Variants in MDN1 observed in about 807,000 individuals in gnomAD.
MDN1 encodes midasin AAA ATPase 1.
In MDN1, 266 loss-of-function variants were observed where a neutral mutation model predicts 669.2. The ratio of observed to expected loss-of-function variants is 0.40; its 90% CI spans 0.36 to 0.44. The LOEUF is 0.44. Among genes scored for constraint, MDN1 ranks in the 20% least tolerant of loss-of-function variants. The pLI, the probability that MDN1 is intolerant of heterozygous loss-of-function variation, is 1.00. For synonymous variants in MDN1, 2,385 were observed against 2,457.1 expected, an observed-to-expected ratio of 0.97 and a Z score of 0.87; for missense variants, 5,940 against 6,754.0, an observed-to-expected ratio of 0.88 and a Z score of 4.22.
rs938777459 is a variant in MDN1, at chr6:89,712,729, C to T, written c.7276G>A (p.Gly2426Arg). 3 of 1,614,136 alleles carry T rather than the reference C, an allele frequency of 1.9e-6. No homozygotes were observed. Among genetic ancestry groups the T allele is most frequent in the East Asian group, 2.2e-5 (1 of 44,876 alleles). ...VSSLRAHETW[G>R]DSILGMGLWP... ...AGTCCCATGCCAAGAATGGAGTCTC[C>T]CCAGGTTTCATGTGCTCGCAAAGAA... The change falls in exon 48 of 102, where the codon GGA becomes AGA. Residue 2426 changes from glycine (G) to arginine (R), a missense_variant. By Grantham distance (125) the Gly-to-Arg change is moderately radical. Coordinates refer to ENST00000369393, the MANE Select transcript of MDN1 (RefSeq NM_014611.3).
rs1420680066 is a variant in MDN1 at position 89,751,481 on chromosome 6, T to C, written c.3177A>G (p.Thr1059=). Residue 1059 remains threonine (T), a synonymous_variant, in exon 23 of 102, where the codon ACA becomes ACG. Coordinates refer to ENST00000369393, the MANE Select transcript of MDN1 (RefSeq NM_014611.3). Reference sequence around the variant, plus strand: ...CTCTCAGGTTCAGCTTCACAGAAGATGTCAGAATGTACGTCTCATCTATTG... The same window carrying C: ...CTCTCAGGTTCAGCTTCACAGAAGACGTCAGAATGTACGTCTCATCTATTG... The part of the protein sequence containing the change: ...EPTIDETYIL[T]SSVKLNLRDI... 2.9e-5 allele frequency: 47 copies of C among 1,614,062 alleles called. No individual in the cohort carries two copies. The highest frequency in any genetic ancestry group is 4.0e-5 in the Non-Finnish European group (47 of 1,180,036).
In MDN1 at chr6:89,653,026, G is replaced by T; in HGVS notation, c.15791C>A (p.Thr5264Lys). The T allele has an allele frequency of 1.2e-6, 2 of 1,614,136 alleles. No individual in the cohort carries two copies. Among genetic ancestry groups the T allele is most frequent in the Non-Finnish European group, 1.7e-6 (2 of 1,180,014 alleles). ...CGTGTCCATGAGGAATTGATGAGCT[G>T]TATGAATGGTAGACTCTCGGCTTCT... is the stretch of plus-strand genomic sequence containing the variant. ...PERSRESTIH[T>K]AHQFLMDTIF... The change falls in exon 94 of 102, where the codon ACA (threonine) becomes AAA (lysine). Residue 5264 changes from threonine to lysine, a missense_variant. This residue lies in a region of MDN1 where 2,280 missense variants were observed against 2,576.3 expected (regional missense o/e 0.88). Transcript: ENST00000369393.
intron 31 of MDN1, among the ~76,000 whole-genome samples, 196 bp from the exon 32 acceptor site, chr6:89,740,574 G>GA (rs541481034): frequency 0.013 from 1,942 of 150,860 alleles, 17 homozygotes; most frequent in Non-Finnish European, 0.021. Context: ...TTCTGATCAA[G>GA]AAAAAAAAAC....
chr6:89,809,679 G>C (rs1416615710), intron 1 of MDN1, among the ~76,000 whole-genome samples: 2 of 151,698 alleles, frequency 1.3e-5, no homozygotes, highest in African/African-American at 4.8e-5. Flanking sequence ...GGGAGGCTGA[G>C]GCAGGAGAAT....
chr6:89,771,434 C>G, intron 15 of MDN1, 127 bp downstream of exon 15: 1 of 781,158 alleles, frequency 1.3e-6, no homozygotes, highest in Non-Finnish European at 2.0e-6. Flanking sequence ...AAAGCCTTAT[C>G]TGAGAAAACT....
intron 29 of MDN1, 44 bp from the exon 30 acceptor site, chr6:89,743,758 T>A: frequency 3.9e-6 from 6 of 1,538,692 alleles, no homozygotes; most frequent in Non-Finnish European, 5.2e-6. Context: ...GTGTTTCAAA[T>A]ACACATCCAT....
intron 64 of MDN1, 94 bp downstream of exon 64, chr6:89,690,578 AG>A: frequency 6.9e-7 from 1 of 1,451,100 alleles, no homozygotes; most frequent in Non-Finnish European, 9.5e-7. Context: ...ACATACAGAG[AG>A]AGAGATAAAG....
At chr6:89,687,527 T>C in intron 67 of MDN1, 89 bp from the exon 68 acceptor site, 3 of 1,068,382 alleles carry the variant, frequency 2.8e-6, no homozygotes, top group East Asian at 5.0e-5. Context: ...TTTGCTTGAG[T>C]GAAGACTACT....
In MDN1 at chr6:89,658,282, C is replaced by A; in HGVS notation, c.15110G>T (p.Gly5037Val). ...RKEHASCGQT[G>V]VENMQNTQAM... ...CTGTGTGTTCTGCATGTTCTCCACA[C>A]CAGTCTGCCCACAGGAGGCATGCTC... The change falls in exon 90 of 102, where the codon GGT becomes GTT. Residue 5037 changes from glycine to valine, a missense_variant. Physicochemically the swap from Gly to Val is moderately radical, Grantham distance 109. This residue lies in a region of MDN1 where 2,280 missense variants were observed against 2,576.3 expected (regional missense o/e 0.88). Transcript: ENST00000369393. 3 of 1,614,224 alleles carry A rather than the reference C, an allele frequency of 1.9e-6. No individual in the cohort carries two copies. Among genetic ancestry groups the A allele is most frequent in the South Asian group, 1.1e-5 (1 of 91,088 alleles).
chr6:89,707,578 TC>T, intron 51 of MDN1, 102 bp from the exon 52 acceptor site: 1 of 737,548 alleles, frequency 1.4e-6, no homozygotes, highest in South Asian at 1.6e-5. Flanking sequence ...GGGTCCTTCA[TC>T]CTGCCATTCC....
rs775625640 is a variant in MDN1 at position 89,692,626 on chromosome 6, T to C, written c.10404A>G (p.Leu3468=). 20 of 1,614,082 alleles carry C rather than the reference T, an allele frequency of 1.2e-5. No homozygotes were observed. Among genetic ancestry groups the C allele is most frequent in the South Asian group, 3.3e-5 (3 of 91,090 alleles). The change falls in exon 63 of 102, where the codon CTA becomes CTG. Residue 3468 remains leucine (L), a synonymous_variant. Coordinates refer to ENST00000369393, the MANE Select transcript of MDN1 (RefSeq NM_014611.3). ...TLCSVKSEEV[L]RGLGKLILKR... ...TGAGGATTAGCTTCCCAAGGCCTCG[T>C]AGAACCTCCTCAGACTTCACCGAGC... is the stretch of plus-strand genomic sequence containing the variant.
intron 70 of MDN1, 97 bp downstream of exon 70, chr6:89,685,730 C>A: frequency 1.5e-6 from 2 of 1,310,574 alleles, no homozygotes; most frequent in South Asian, 1.4e-5. Flanking sequence ...TTGTTTAAAA[C>A]CTAGCGTGCA....
At chr6:89,768,421 T>G (rs2026637) in intron 15 of MDN1, among the ~76,000 whole-genome samples, 4,501 of 152,308 alleles carry the variant, frequency 0.03, 101 homozygotes, top group South Asian at 0.082. Flanking sequence ...CTCCTTGTCT[T>G]GTGCTATGAT....
intron 67 of MDN1, 100 bp from the exon 68 acceptor site, chr6:89,687,538 G>T: frequency 1.1e-6 from 1 of 952,226 alleles, no homozygotes; most frequent in Non-Finnish European, 1.6e-6. Flanking sequence ...GAAGACTACT[G>T]GGCCCTTAAA....
rs1562061625 is a variant in MDN1, at chr6:89,670,151, TA to T, written c.13956+767del. On this transcript the variant is annotated intron_variant, in intron 83 of 101. Coordinates refer to ENST00000369393, the MANE Select transcript of MDN1 (RefSeq NM_014611.3). ...GTCTCCAAAAAAACATATATATATA[TA>T]TATATATATATATATATATTTTTTT... 6.3e-4 allele frequency among the ~76,000 whole-genome samples: 14 copies of T among 22,380 alleles called. 1 individual carries two copies. Among genetic ancestry groups the T allele is most frequent in the East Asian group, 5.3e-3 (1 of 190 alleles). 14.7% of individuals were successfully genotyped at this position (22,380 alleles called of 152,430 possible).
At chr6:89,727,771 A>G (rs1313989627) in intron 37 of MDN1, 62 bp downstream of exon 37, 1 of 1,611,986 alleles carries the variant, frequency 6.2e-7, no homozygotes, top group Non-Finnish European at 8.5e-7. Flanking sequence ...TGGAGCTGTG[A>G]AAGGATGACT....
At chr6:89,793,980 T>C in intron 4 of MDN1, 26 bp from the exon 5 acceptor site, 1 of 1,576,834 alleles carries the variant, frequency 6.3e-7, no homozygotes, top group Non-Finnish European at 8.7e-7. Context: ...GTCTCGTCAA[T>C]TACCTTACCA....
intron 11 of MDN1, among the ~76,000 whole-genome samples, chr6:89,777,286 G>C (rs1288368493): frequency 6.6e-6 from 1 of 152,160 alleles, no homozygotes; most frequent in Non-Finnish European, 1.5e-5. Context: ...ATAAAACAAT[G>C]TAAAGGACAC....
chr6:89,656,863 G>A (rs534501639), intron 90 of MDN1, 62 bp from the exon 91 acceptor site: 3 of 1,364,360 alleles, frequency 2.2e-6, no homozygotes, highest in African/African-American at 1.4e-5. Context: ...CCTGGTTACT[G>A]TGCTGCATTG....
Sources: gnomAD v4.1 joint callset for allele counts (sites outside exome capture counted in the v4.1 genomes callset) on GRCh38, gnomAD v4.1.1 for gene constraint, gnomAD v4.1.1 regional missense constraint, MANE v1.5 for transcripts, NCBI Gene and HGNC (gene_info 2026-07-23, HGNC 2026-07-21) for gene names.